Variants in LAMA3 observed in about 807,000 individuals in gnomAD.
LAMA3 encodes the protein laminin subunit alpha 3, also known as laminin subunit alpha-3.
Under a neutral mutation model 402.0 loss-of-function variants are expected in LAMA3, and 281 were observed. The ratio of observed to expected loss-of-function variants is 0.70; its 90% confidence interval spans 0.63 to 0.77. LAMA3 has a LOEUF of 0.77. LAMA3 is among the 30% of genes least tolerant of loss of function. The pLI, the probability that LAMA3 is intolerant of heterozygous loss-of-function variation, is 0.00. For synonymous variants in LAMA3, 1,431 were observed against 1,558.4 expected (o/e 0.92, Z 1.93); for missense variants, 3,840 against 4,215.5 (o/e 0.91, Z 2.47).
At chr18:23,920,833 G>A in intron 60 of LAMA3, 102 bp from the exon 61 acceptor site, 1 of 1,407,916 alleles carries the variant, frequency 7.1e-7, no homozygotes, top group Non-Finnish European at 1.0e-6. Context: ...GGCAGCAGCT[G>A]AAGCTGAGAG....
rs1422001299 is a variant in LAMA3, at chr18:23,847,327, A to C, written c.3932-137A>C. 3 of 928,578 alleles carry C rather than the reference A, an allele frequency of 3.2e-6. No individual in the cohort carries two copies. In the African/African-American group the frequency reaches 4.9e-5, roughly 15 times the overall value. 57.5% of individuals were successfully genotyped at this position (928,578 alleles called of 1,614,324 possible). On this transcript the variant is annotated intron_variant, in intron 31 of 74. Coordinates refer to ENST00000313654, the MANE Select transcript of LAMA3 (RefSeq NM_198129.4). Reference sequence around the variant, plus strand: ...ATTTGGTGTGGTTGGTCTTGACTCCAAGAAATGGGCCTTTCAGATCCAAAT... The same window carrying C: ...ATTTGGTGTGGTTGGTCTTGACTCCCAGAAATGGGCCTTTCAGATCCAAAT...
intron 32 of LAMA3, among the ~76,000 whole-genome samples, chr18:23,849,292 G>A (rs1387325850): frequency 6.6e-6 from 1 of 152,198 alleles, no homozygotes; most frequent in East Asian, 1.9e-4. Flanking sequence ...TAAGGAAGCT[G>A]GGAGAAAAAC....
intron 36 of LAMA3, among the ~76,000 whole-genome samples, chr18:23,867,244 T>A (rs1397994453): frequency 6.6e-6 from 1 of 152,138 alleles, no homozygotes; most frequent in Non-Finnish European, 1.5e-5. Flanking sequence ...CTGCATTGAC[T>A]GCAAGGCATA....
intron 1 of LAMA3, among the ~76,000 whole-genome samples, chr18:23,705,297 T>A (rs1379278049): frequency 6.6e-6 from 1 of 152,178 alleles, no homozygotes; most frequent in Non-Finnish European, 1.5e-5. Flanking sequence ...TGGGTGTTTT[T>A]AAAATATCGG....
At chr18:23,782,307 G>A (rs751145090) in intron 11 of LAMA3, among the ~76,000 whole-genome samples, 36 of 152,172 alleles carry the variant, frequency 2.4e-4, no homozygotes, top group Non-Finnish European at 4.4e-4. Context: ...CTGTAATCCT[G>A]CACTTTGGGA....
chr18:23,954,676 TCACCTTCAAAAGCACTGATTACCCAATG>T lies in LAMA3; in HGVS notation c.*34_*61del. Reference sequence around the variant, plus strand: ...CAAGCCTATTTCACAGCAAGGAAATTCACCTTCAAAAGCACTGATTACCCAATGCACCTCCCTCCCCAGCTCGAGATCA... The same window carrying T: ...CAAGCCTATTTCACAGCAAGGAAATTCACCTCCCTCCCCAGCTCGAGATCA... On this transcript the variant is annotated 3_prime_UTR_variant, in exon 75 of 75. Coordinates refer to ENST00000313654, the MANE Select transcript of LAMA3 (RefSeq NM_198129.4). The T allele has an allele frequency of 6.2e-7, 1 of 1,613,140 alleles. No individual in the cohort carries two copies. Among genetic ancestry groups the T allele is most frequent in the Non-Finnish European group, 8.5e-7 (1 of 1,179,178 alleles).
At chr18:23,925,674 C>T (rs1406769249) in intron 62 of LAMA3, among the ~76,000 whole-genome samples, 1 of 152,172 alleles carries the variant, frequency 6.6e-6, no homozygotes, top group Admixed American at 6.5e-5. Flanking sequence ...ACAACTCATG[C>T]CCCAGTGCAA....
At chr18:23,920,584 G>A (rs971634898) in intron 60 of LAMA3, among the ~76,000 whole-genome samples, 1 of 152,134 alleles carries the variant, frequency 6.6e-6, no homozygotes, top group Non-Finnish European at 1.5e-5. Flanking sequence ...ATAAGACCTC[G>A]CCTCTCTCTA....
At chr18:23,793,978 C>T (rs866022283) in intron 12 of LAMA3, among the ~76,000 whole-genome samples, 2 of 152,204 alleles carry the variant, frequency 1.3e-5, no homozygotes, top group Non-Finnish European at 2.9e-5. Flanking sequence ...ATTACATTTA[C>T]TGGTTTATTA....
intron 38 of LAMA3, chr18:23,873,305 A>G (rs1333701665): frequency 8.7e-7 from 1 of 1,154,670 alleles, no homozygotes; most frequent in East Asian, 2.3e-5. Context: ...TAATGAGTAA[A>G]TGGGTGGACT....
intron 54 of LAMA3, among the ~76,000 whole-genome samples, chr18:23,908,158 G>A (rs1006991320): frequency 6.6e-6 from 1 of 152,150 alleles, no homozygotes; most frequent in Admixed American, 6.5e-5. Context: ...AATGCTATTG[G>A]TTTGCTTTTT....
intron 1 of LAMA3, among the ~76,000 whole-genome samples, chr18:23,697,519 G>A (rs2060706151): frequency 6.6e-6 from 1 of 152,032 alleles, no homozygotes; most frequent in Non-Finnish European, 1.5e-5. Flanking sequence ...TTCCTTACTG[G>A]TACACCATAC....
intron 31 of LAMA3, among the ~76,000 whole-genome samples, chr18:23,846,989 G>A (rs1292508445): frequency 6.6e-6 from 1 of 152,204 alleles, no homozygotes; most frequent in Non-Finnish European, 1.5e-5. Flanking sequence ...CCGAGGGGTA[G>A]GGTAAGCTCA....
chr18:23,742,029 C>A (rs771393145), intron 2 of LAMA3, among the ~76,000 whole-genome samples: 20 of 152,090 alleles, frequency 1.3e-4, no homozygotes, highest in Non-Finnish European at 2.2e-4. Flanking sequence ...GGCTGAGGCA[C>A]AAGGATCACT....
At chr18:23,923,143 A>C (rs1568349618) in intron 62 of LAMA3, among the ~76,000 whole-genome samples, 1 of 152,206 alleles carries the variant, frequency 6.6e-6, no homozygotes, top group Non-Finnish European at 1.5e-5. Context: ...GAAGTGGGAT[A>C]GGGATGCCCC....
At chr18:23,795,186 T>C (rs2062738973) in intron 12 of LAMA3, among the ~76,000 whole-genome samples, 1 of 152,216 alleles carries the variant, frequency 6.6e-6, no homozygotes, top group Non-Finnish European at 1.5e-5. Flanking sequence ...TTATTTGTTT[T>C]GCAAGCCAAT....
intron 1 of LAMA3, among the ~76,000 whole-genome samples, chr18:23,692,397 G>C (rs1396383853): frequency 3.3e-5 from 5 of 152,092 alleles, no homozygotes; most frequent in African/African-American, 1.2e-4. Context: ...TCAGCCTCCC[G>C]AGTAGCTGGG....
rs186935890 is a variant in LAMA3, at chr18:23,853,252, A to G, written c.4137-4592A>G. On this transcript the variant is annotated intron_variant, in intron 32 of 74. Transcript: ENST00000313654. ...AAAACTGGACTTTGATATGAGCATA[A>G]TATGAAGGGCCCTACAGTGTTTATT... 2.0e-5 allele frequency among the ~76,000 whole-genome samples: 3 copies of G among 152,228 alleles called. No individual in the cohort carries two copies. In the East Asian group the frequency reaches 5.8e-4, roughly 29 times the overall value.
Position 23,912,813 on chromosome 18 carries a change from C to G in LAMA3, c.7261C>G (p.Gln2421Glu). 1 of 1,613,922 alleles carries G rather than the reference C, an allele frequency of 6.2e-7. No homozygotes were observed. The highest frequency in any genetic ancestry group is 8.5e-7 in the Non-Finnish European group (1 of 1,179,790). Residue 2421 changes from glutamine (Q) to glutamate (E), a missense_variant, in exon 56 of 75, where the codon CAA (glutamine) becomes GAA (glutamate). Gln to Glu is a conservative substitution (Grantham distance 29). This residue lies in a region of LAMA3 where 891 missense variants were observed against 857.5 expected (regional missense o/e 1.04). Transcript: ENST00000313654. ...KGYTSLSLFL[Q>E]RPNSRENGGT... ...ATATACATCTCTGTCCTTGTTTCTC[C>G]AAAGGCCCAACTCAAGAGAAAATGG...
Sources: allele counts gnomAD v4.1 joint callset (sites outside exome capture counted in the v4.1 genomes callset), GRCh38; gene constraint gnomAD v4.1.1; regional missense constraint gnomAD v4.1.1; transcripts MANE v1.5; gene names NCBI Gene and HGNC (gene_info 2026-07-23, HGNC 2026-07-21).